FRMD3: variants seen among roughly 807,000 people sequenced by gnomAD.
FRMD3 encodes the protein FERM domain containing 3, also known as FERM domain-containing protein 3.
Under a neutral mutation model 70.2 loss-of-function variants are expected in FRMD3, and 33 were observed. The observed-to-expected ratio is 0.47, with a 90% CI of 0.36 to 0.63. The LOEUF is 0.63. Among genes scored for constraint, FRMD3 ranks in the 20% least tolerant of loss-of-function variants. FRMD3 has a pLI of 0.00. For synonymous variants in FRMD3, 279 were observed against 255.9 expected (o/e 1.09, Z -0.86); for missense variants, 632 against 711.4 (o/e 0.89, Z 1.27).
chr9:83,260,342 C>G (rs2118681833), intron 13 of FRMD3, among the ~76,000 whole-genome samples: 1 of 152,234 alleles, frequency 6.6e-6, no homozygotes, highest in African/African-American at 2.4e-5. Context: ...ATTCCAAAGC[C>G]CATGCTTTCT....
intron 5 of FRMD3, among the ~76,000 whole-genome samples, chr9:83,342,116 G>A (rs1350349954): frequency 6.8e-6 from 1 of 146,438 alleles, no homozygotes; most frequent in African/African-American, 2.6e-5. Context: ...TGTCATTAAT[G>A]TTCATGCTAC....
chr9:83,268,778 C>T (rs529962067), intron 13 of FRMD3, among the ~76,000 whole-genome samples: 1 of 152,300 alleles, frequency 6.6e-6, no homozygotes, highest in African/African-American at 2.4e-5. Context: ...AATGGGCCCC[C>T]CACTCCCCTC....
intron 4 of FRMD3, among the ~76,000 whole-genome samples, chr9:83,345,739 A>G (rs1406260534): frequency 6.6e-6 from 1 of 152,130 alleles, no homozygotes; most frequent in Admixed American, 6.5e-5. Flanking sequence ...CCTGGGTGAC[A>G]GAGCAAGACT....
At chr9:83,312,580 TA>T (rs1835402792) in intron 7 of FRMD3, among the ~76,000 whole-genome samples, 1 of 152,230 alleles carries the variant, frequency 6.6e-6, no homozygotes. Flanking sequence ...CTAAAATGAA[TA>T]AACTGATTAG....
At chr9:83,387,523 G>A (rs539976430) in intron 2 of FRMD3, among the ~76,000 whole-genome samples, 67 of 152,206 alleles carry the variant, frequency 4.4e-4, no homozygotes, top group African/African-American at 1.4e-3. Flanking sequence ...CTAGAATTAC[G>A]TCTGCAGGCT....
intron 1 of FRMD3, among the ~76,000 whole-genome samples, chr9:83,484,719 G>A (rs1017139739): frequency 6.6e-6 from 1 of 152,186 alleles, no homozygotes; most frequent in Non-Finnish European, 1.5e-5. Flanking sequence ...TGCCCAGCCT[G>A]TGTTGCCAAT....
At chr9:83,400,633 T>TA (rs1261226725) in intron 1 of FRMD3, among the ~76,000 whole-genome samples, 5 of 152,146 alleles carry the variant, frequency 3.3e-5, no homozygotes, top group Non-Finnish European at 7.4e-5. Flanking sequence ...CTTCAAGACT[T>TA]ACTATAAAGT....
chr9:83,508,549 T>C lies in FRMD3; in HGVS notation c.147+29536A>G, dbSNP rs553206094. Among the ~76,000 whole-genome samples, 5 of 152,326 alleles carry C rather than the reference T, an allele frequency of 3.3e-5. No individual in the cohort carries two copies. The East Asian group carries it at 9.6e-4, about 29-fold the overall frequency. On this transcript the variant is annotated intron_variant, in intron 1 of 13. Transcript: ENST00000304195. ...GGCCCTAATCATCTCTCTGACCTTG[T>C]GTCCTTCTACTCTGTTTAATGCTTG...
At chr9:83,449,463 T>C (rs892918154) in intron 1 of FRMD3, among the ~76,000 whole-genome samples, 1 of 152,202 alleles carries the variant, frequency 6.6e-6, no homozygotes, top group African/African-American at 2.4e-5. Flanking sequence ...TGTATTTACA[T>C]GAAGAGCCAT....
At chr9:83,484,153 A>G (rs1828632982) in intron 1 of FRMD3, among the ~76,000 whole-genome samples, 2 of 152,186 alleles carry the variant, frequency 1.3e-5, no homozygotes, top group Non-Finnish European at 2.9e-5. Flanking sequence ...TCCTTTATCA[A>G]TCTCTTTAAA....
At chr9:83,517,483 G>A (rs1402771602) in intron 1 of FRMD3, among the ~76,000 whole-genome samples, 7 of 89,336 alleles carry the variant, frequency 7.8e-5, no homozygotes, top group Admixed American at 5.5e-4. Flanking sequence ...GTAACTAATA[G>A]CCTACCAATC....
intron 1 of FRMD3, among the ~76,000 whole-genome samples, chr9:83,441,348 A>G (rs1446475142): frequency 1.3e-5 from 2 of 152,208 alleles, no homozygotes; most frequent in African/African-American, 4.8e-5. Flanking sequence ...GGTTGATCCC[A>G]AGGCAATTCA....
chr9:83,577,222 A>C, the FRMD3 span, among the ~76,000 whole-genome samples: 1 of 152,116 alleles, frequency 6.6e-6, no homozygotes, highest in African/African-American at 2.4e-5. Context: ...AACTGGCAAA[A>C]TTCTAAAATA....
chr9:83,517,641 T>C (rs1260461622), intron 1 of FRMD3, among the ~76,000 whole-genome samples: 1 of 151,988 alleles, frequency 6.6e-6, no homozygotes, highest in Non-Finnish European at 1.5e-5. Flanking sequence ...ACTCAATATA[T>C]GAGGCCAGCA....
Position 83,245,092 on chromosome 9 carries a change from A to G in FRMD3, c.*2826T>C, listed in dbSNP as rs73475665. Reference sequence around the variant, plus strand: ...ACCATAGTATCTGAGAGGGAGAAGAACCAATAATACATCTCAAATTCCTCA... The same window carrying G: ...ACCATAGTATCTGAGAGGGAGAAGAGCCAATAATACATCTCAAATTCCTCA... On this transcript the variant is annotated 3_prime_UTR_variant, in exon 14 of 14. Coordinates refer to ENST00000304195, the MANE Select transcript of FRMD3 (RefSeq NM_174938.6). 16,197 of 985,290 alleles carry G rather than the reference A, an allele frequency of 0.016. 1,796 individuals are homozygous for G. The African/African-American group carries it at 0.25, about 15-fold the overall frequency. The allele number at this position is 985,290 out of a possible 1,614,324, so 61.0% of individuals were successfully genotyped here.
intron 1 of FRMD3, among the ~76,000 whole-genome samples, chr9:83,472,098 A>G (rs1337791204): frequency 2.6e-5 from 3 of 115,246 alleles, no homozygotes; most frequent in East Asian, 4.2e-4. Flanking sequence ...TGCCACTGGG[A>G]AAAACTCCAT....
At chr9:83,506,226 A>C (rs1829178915) in intron 1 of FRMD3, among the ~76,000 whole-genome samples, 1 of 152,252 alleles carries the variant, frequency 6.6e-6, no homozygotes, top group African/African-American at 2.4e-5. Context: ...CTAGCAAAGT[A>C]GTTTGTAATA....
At chr9:83,332,021 T>G in intron 6 of FRMD3, 1 of 649,096 alleles carries the variant, frequency 1.5e-6, no homozygotes, top group Non-Finnish European at 2.8e-6. Flanking sequence ...AGTTTCTGAC[T>G]TCCCTGAGTG....
At chr9:83,382,092 G>T (rs958345909) in intron 2 of FRMD3, among the ~76,000 whole-genome samples, 3 of 151,690 alleles carry the variant, frequency 2.0e-5, no homozygotes, top group Non-Finnish European at 4.4e-5. Flanking sequence ...TTTAAAGTAC[G>T]CTAGTAACTA....
Sources: gnomAD v4.1 joint callset for allele counts (sites outside exome capture counted in the v4.1 genomes callset) on GRCh38, gnomAD v4.1.1 for gene constraint, MANE v1.5 for transcripts, NCBI Gene and HGNC (gene_info 2026-07-23, HGNC 2026-07-21) for gene names.